The following XYLT1 variants were observed in gnomAD, a reference collection of about 807,000 sequenced individuals.
XYLT1 encodes the protein beta-D-xylosyltransferase 1.
XYLT1 carries 36 observed loss-of-function variants against 91.3 expected under a neutral mutation model. The ratio of observed to expected loss-of-function variants is 0.39; its 90% CI spans 0.30 to 0.52. The LOEUF is 0.52. Among genes scored for constraint, XYLT1 ranks in the 20% least tolerant of loss-of-function variants. The pLI, the probability that XYLT1 is intolerant of heterozygous loss-of-function variation, is 0.68. For synonymous variants in XYLT1, 588 were observed against 532.0 expected (o/e 1.11, Z -1.45); for missense variants, 1,242 against 1,284.5 (o/e 0.97, Z 0.51).
chr16:17,300,229 CTT>C lies in XYLT1; in HGVS notation c.403-40733_403-40732del, dbSNP rs544650000. 1.5e-4 allele frequency among the ~76,000 whole-genome samples: 23 copies of C among 152,254 alleles called. 2 individuals carry two copies. The South Asian group carries it at 4.8e-3, about 32-fold the overall frequency. ...TTTTGTGCCTCTGACAAAATGCTAT[CTT>C]TTAAGAAGTGTGCACAGACTTCATT... On this transcript the variant is annotated intron_variant, in intron 2 of 11. Coordinates refer to ENST00000261381, the MANE Select transcript of XYLT1 (RefSeq NM_022166.4).
At chr16:17,289,459 A>C (rs2034190160) in intron 2 of XYLT1, among the ~76,000 whole-genome samples, 1 of 152,032 alleles carries the variant, frequency 6.6e-6, no homozygotes, top group Admixed American at 6.6e-5. Flanking sequence ...GTACCTCTCA[A>C]CTCAAGGGGC....
rs1425911202 is a variant in XYLT1 at position 17,104,548 on chromosome 16, C to G, written c.*4147G>C. ...TTTTTCCTCTTCTACCAGGGCAATGCATAATCTCACTTTAAACCACCTCTC... is the reference window on the plus strand; with the variant it reads ...TTTTTCCTCTTCTACCAGGGCAATGGATAATCTCACTTTAAACCACCTCTC... On this transcript the variant is annotated 3_prime_UTR_variant, in exon 12 of 12. Transcript: ENST00000261381. The G allele has an allele frequency of 6.6e-6, 1 of 152,184 alleles. No individual in the cohort carries two copies. Among genetic ancestry groups the G allele is most frequent in the Admixed American group, 6.5e-5 (1 of 15,268 alleles). 9.4% of individuals were successfully genotyped at this position (152,184 alleles called of 1,614,324 possible).
At chr16:17,310,116 C>G (rs1166557398) in intron 2 of XYLT1, among the ~76,000 whole-genome samples, 1 of 152,150 alleles carries the variant, frequency 6.6e-6, no homozygotes, top group Non-Finnish European at 1.5e-5. Context: ...CCTTCCTTTT[C>G]CTCCCCAGCT....
intron 1 of XYLT1, among the ~76,000 whole-genome samples, chr16:17,442,395 C>T (rs1027711182): frequency 1.3e-5 from 2 of 152,128 alleles, no homozygotes; most frequent in African/African-American, 4.8e-5. Flanking sequence ...TGCCCACCTA[C>T]CCCCCACCTC....
intron 5 of XYLT1, among the ~76,000 whole-genome samples, chr16:17,179,382 G>A (rs2032015747): frequency 6.6e-6 from 1 of 152,096 alleles, no homozygotes. Context: ...TCAAATAAAA[G>A]CTAGAAAAGA....
In XYLT1 at chr16:17,108,913, C is replaced by G; in HGVS notation, c.2662G>C (p.Val888Leu). 1 of 1,604,568 alleles carries G rather than the reference C, an allele frequency of 6.2e-7. No homozygotes were observed. Among genetic ancestry groups the G allele is most frequent in the Non-Finnish European group, 8.5e-7 (1 of 1,173,100 alleles). Reference sequence around the variant, plus strand: ...GCTGCGTTCCTCCGTGCCTGTTCCACCTGGGCGGGGTTGATGGGCAGGCTG... The same window carrying G: ...GCTGCGTTCCTCCGTGCCTGTTCCAGCTGGGCGGGGTTGATGGGCAGGCTG... ...VLSLPINPAQ[V>L]EQARRNAAST... The change falls in exon 12 of 12, where the codon GTG becomes CTG. Residue 888 changes from valine (V) to leucine (L), a missense_variant. Physicochemically the swap from Val to Leu is conservative, Grantham distance 32. This residue lies in a region of XYLT1 where 511 missense variants were observed against 497.0 expected (regional missense o/e 1.03). Coordinates refer to ENST00000261381, the MANE Select transcript of XYLT1 (RefSeq NM_022166.4).
chr16:17,268,067 G>A (rs557101947), intron 2 of XYLT1, among the ~76,000 whole-genome samples: 16 of 152,156 alleles, frequency 1.1e-4, no homozygotes, highest in African/African-American at 3.1e-4. Flanking sequence ...CTATTTTCAC[G>A]ATAATATAAA....
At chr16:17,267,690 T>G (rs1284765136) in intron 2 of XYLT1, among the ~76,000 whole-genome samples, 1 of 152,140 alleles carries the variant, frequency 6.6e-6, no homozygotes, top group Admixed American at 6.5e-5. Context: ...ATTACAGGCG[T>G]GAGCCACCAC....
At chr16:17,379,753 T>TCACACACACACACACA (rs1221357179) in intron 1 of XYLT1, among the ~76,000 whole-genome samples, 3 of 128,716 alleles carry the variant, frequency 2.3e-5, no homozygotes, top group African/African-American at 6.3e-5. Context: ...TCTCTCTCTC[T>TCACACACACACACACA]CTCTCTCTCT....
chr16:17,468,180 C>CA (rs1280043819), intron 1 of XYLT1, among the ~76,000 whole-genome samples: 1 of 152,094 alleles, frequency 6.6e-6, no homozygotes, highest in African/African-American at 2.4e-5. Flanking sequence ...TGGGCACAGT[C>CA]AGAGTAGGAC....
At chr16:17,218,628 A>T (rs182850316) in intron 3 of XYLT1, among the ~76,000 whole-genome samples, 239 of 152,198 alleles carry the variant, frequency 1.6e-3, no homozygotes, top group African/African-American at 5.5e-3. Flanking sequence ...TCTCTGGCAA[A>T]CCAACCTCTC....
At chr16:17,363,084 A>C (rs113467274) in intron 1 of XYLT1, among the ~76,000 whole-genome samples, 11 of 152,314 alleles carry the variant, frequency 7.2e-5, no homozygotes, top group Admixed American at 2.6e-4. Flanking sequence ...GGAAAATCTA[A>C]GAAACTCTTC....
At chr16:17,155,538 A>G (rs1394154505) in intron 6 of XYLT1, among the ~76,000 whole-genome samples, 1 of 152,234 alleles carries the variant, frequency 6.6e-6, no homozygotes, top group Non-Finnish European at 1.5e-5. Context: ...AGCCACGCCC[A>G]GCTCTGGTCA....
At chr16:17,197,345 C>T (rs2032450243) in intron 5 of XYLT1, among the ~76,000 whole-genome samples, 1 of 152,216 alleles carries the variant, frequency 6.6e-6, no homozygotes, top group Admixed American at 6.5e-5. Context: ...TTCCAGGCCA[C>T]CGTTGGTAAA....
intron 2 of XYLT1, among the ~76,000 whole-genome samples, chr16:17,313,688 T>TA (rs5815938): frequency 0.25 from 35,092 of 142,786 alleles, 4,866 homozygotes; most frequent in African/African-American, 0.41. Context: ...TCCAAACCAT[T>TA]AAAAAAAAAA....
intron 2 of XYLT1, among the ~76,000 whole-genome samples, chr16:17,303,430 A>C (rs1223773673): frequency 6.6e-6 from 1 of 152,220 alleles, no homozygotes; most frequent in Non-Finnish European, 1.5e-5. Flanking sequence ...GACAGTTTGC[A>C]CACTTCTGCT....
At chr16:17,468,851 C>G (rs1283292052) in intron 1 of XYLT1, among the ~76,000 whole-genome samples, 1 of 152,092 alleles carries the variant, frequency 6.6e-6, no homozygotes, top group East Asian at 1.9e-4. Context: ...CGACCCACAA[C>G]CCTCCCACCC....
At chr16:17,278,634 A>G (rs897462823) in intron 2 of XYLT1, among the ~76,000 whole-genome samples, 5 of 152,184 alleles carry the variant, frequency 3.3e-5, no homozygotes, top group Non-Finnish European at 7.4e-5. Flanking sequence ...ATCCCATCAG[A>G]GACAAGCTCC....
chr16:17,340,710 G>C (rs915594151), intron 2 of XYLT1, among the ~76,000 whole-genome samples: 8 of 152,134 alleles, frequency 5.3e-5, no homozygotes, highest in African/African-American at 1.9e-4. Flanking sequence ...AGGTTTATGG[G>C]GAGATTAAAG....
Sources: allele counts gnomAD v4.1 joint callset (sites outside exome capture counted in the v4.1 genomes callset), GRCh38; gene constraint gnomAD v4.1.1; regional missense constraint gnomAD v4.1.1; transcripts MANE v1.5; gene names NCBI Gene and HGNC (gene_info 2026-07-23, HGNC 2026-07-21).